Variants in KCNH1 observed in about 807,000 individuals in gnomAD.
The protein encoded by KCNH1 is potassium voltage-gated channel subfamily H member 1.
A neutral mutation model predicts 69.2 loss-of-function variants in KCNH1; 27 were observed. That is an observed-to-expected ratio of 0.39 (90% CI 0.29 to 0.54). KCNH1 has a LOEUF of 0.54. Among genes scored for constraint, KCNH1 ranks in the 20% least tolerant of loss-of-function variants. The pLI is 0.68. For missense variants in KCNH1, 798 were observed against 1,261.6 expected, an observed-to-expected ratio of 0.63 and a Z score of 5.57; for synonymous variants, 456 against 487.7, an observed-to-expected ratio of 0.93 and a Z score of 0.86.
At chr1:210,938,054 C>CA (rs1210733377) in intron 6 of KCNH1, among the ~76,000 whole-genome samples, 2 of 152,238 alleles carry the variant, frequency 1.3e-5, no homozygotes, top group African/African-American at 4.8e-5. Context: ...GACCCTTGGT[C>CA]ATGTCATTGG....
At chr1:210,962,344 T>C (rs1446985482) in intron 6 of KCNH1, among the ~76,000 whole-genome samples, 1 of 152,226 alleles carries the variant, frequency 6.6e-6, no homozygotes, top group Non-Finnish European at 1.5e-5. Flanking sequence ...ATTTTTTTCA[T>C]TGCTTCAGGA....
At chr1:210,875,491 T>A (rs1374300598) in intron 7 of KCNH1, among the ~76,000 whole-genome samples, 1 of 152,160 alleles carries the variant, frequency 6.6e-6, no homozygotes, top group East Asian at 1.9e-4. Context: ...TGGTTATAAA[T>A]CTATGCACAA....
chr1:210,746,234 G>C (rs780756349), intron 10 of KCNH1, among the ~76,000 whole-genome samples: 30 of 152,168 alleles, frequency 2.0e-4, no homozygotes, highest in Non-Finnish European at 3.7e-4. Flanking sequence ...CAAGGCCCCA[G>C]ATGCACTTTA....
At chr1:211,045,064 A>ATATATATATATATATAT (rs1490472380) in intron 5 of KCNH1, among the ~76,000 whole-genome samples, 29 of 128,096 alleles carry the variant, frequency 2.3e-4, no homozygotes, top group East Asian at 6.4e-4. Context: ...ATATATGAAT[A>ATATATATATATATATAT]ATAGAATAGT....
At chr1:210,935,900 T>C (rs542141627) in intron 6 of KCNH1, among the ~76,000 whole-genome samples, 1 of 152,318 alleles carries the variant, frequency 6.6e-6, no homozygotes, top group South Asian at 2.1e-4. Context: ...AATTAATAGA[T>C]TCATCTGTGT....
chr1:210,860,663 T>G (rs538306735), intron 7 of KCNH1: 3 of 777,848 alleles, frequency 3.9e-6, no homozygotes, highest in African/African-American at 1.7e-5. Flanking sequence ...ATTACAGGTC[T>G]GATAAATGCT....
At chr1:210,809,132 A>G (rs905532437) in intron 7 of KCNH1, among the ~76,000 whole-genome samples, 26 of 150,362 alleles carry the variant, frequency 1.7e-4, no homozygotes, top group African/African-American at 5.3e-4. Context: ...AGTATTCTCC[A>G]GCCCTTAATT....
rs550352011 is a variant in KCNH1, at chr1:211,099,434, T to A, written c.310+4062A>T. On this transcript the variant is annotated intron_variant, in intron 3 of 10. Coordinates refer to ENST00000271751, the MANE Select transcript of KCNH1 (RefSeq NM_172362.3). ...TAAAATCTCAACAAGAACTTTTCCCTCATAGAACTCTATATTGCTTTAAAA... is the reference window on the plus strand; with the variant it reads ...TAAAATCTCAACAAGAACTTTTCCCACATAGAACTCTATATTGCTTTAAAA... Among the ~76,000 whole-genome samples the A allele has an allele frequency of 2.0e-5, 3 of 152,350 alleles. No individual in the cohort carries two copies. In the East Asian group the frequency reaches 5.8e-4, roughly 29 times the overall value.
chr1:210,955,852 G>C (rs1324948861), intron 6 of KCNH1, among the ~76,000 whole-genome samples: 2 of 152,090 alleles, frequency 1.3e-5, no homozygotes, highest in Non-Finnish European at 2.9e-5. Context: ...CTGTAAACAG[G>C]GACAATTTGA....
chr1:210,689,206 T>C (rs1681475429), intron 10 of KCNH1, among the ~76,000 whole-genome samples: 1 of 152,250 alleles, frequency 6.6e-6, no homozygotes, highest in Non-Finnish European at 1.5e-5. Context: ...CAGGGATTTC[T>C]GAGTAATTAT....
chr1:210,884,004 C>T (rs574147565), intron 7 of KCNH1, among the ~76,000 whole-genome samples: 1 of 152,316 alleles, frequency 6.6e-6, no homozygotes, highest in East Asian at 1.9e-4. Flanking sequence ...CTCAGTTCTA[C>T]AGACACTAAC....
chr1:210,956,536 G>GTTT (rs770358496), intron 6 of KCNH1, among the ~76,000 whole-genome samples: 23 of 122,262 alleles, frequency 1.9e-4, no homozygotes, highest in African/African-American at 6.6e-4. Context: ...TGGTCCTGGA[G>GTTT]TTTTTTTTTT....
At position 211,092,104 on chromosome 1, in the gene KCNH1, G is replaced by C. The variant is rs140924762; in HGVS notation, c.311-1414C>G. On this transcript the variant is annotated intron_variant, in intron 3 of 10. Transcript: ENST00000271751. ...TAAAGTAGCTATTTCCCCACGCTAA[G>C]TAATAGTTTCCTATGTAGCCAGCAC... Among the ~76,000 whole-genome samples the C allele has an allele frequency of 2.1e-3, 315 of 152,316 alleles. 3 individuals carry two copies. The highest frequency in any genetic ancestry group is 0.014 in the Middle Eastern group (4 of 294).
At chr1:211,008,098 G>C (rs1689318891) in intron 6 of KCNH1, among the ~76,000 whole-genome samples, 1 of 152,142 alleles carries the variant, frequency 6.6e-6, no homozygotes. Flanking sequence ...AGAGATATTT[G>C]TACTCCAGTG....
At chr1:210,918,844 A>G (rs912950196) in intron 7 of KCNH1, 1 of 152,256 alleles carries the variant, frequency 6.6e-6, no homozygotes, top group African/African-American at 2.4e-5. Context: ...AGGAAAATGA[A>G]ACAGATTAAA....
chr1:210,860,238 A>T, intron 7 of KCNH1: 2 of 1,465,556 alleles, frequency 1.4e-6, no homozygotes, highest in South Asian at 2.3e-5. Context: ...CATCTTGCTG[A>T]AAGACTTCAA....
At chr1:210,785,248 T>C in intron 9 of KCNH1, among the ~76,000 whole-genome samples, 1 of 152,066 alleles carries the variant, frequency 6.6e-6, no homozygotes, top group East Asian at 1.9e-4. Context: ...AATTAAGATA[T>C]ACATGAAATA....
chr1:211,117,553 T>C (rs779594423), intron 1 of KCNH1, among the ~76,000 whole-genome samples: 4 of 152,080 alleles, frequency 2.6e-5, no homozygotes, highest in African/African-American at 4.8e-5. Context: ...GGTCCTGAGA[T>C]TACATGGAGA....
At chr1:210,842,809 AGTT>A (rs1685438864) in intron 7 of KCNH1, among the ~76,000 whole-genome samples, 1 of 152,102 alleles carries the variant, frequency 6.6e-6, no homozygotes, top group Non-Finnish European at 1.5e-5. Flanking sequence ...CTATAGCTAA[AGTT>A]GTTTTTTTTC....
Sources: gnomAD v4.1 joint callset for allele counts (sites outside exome capture counted in the v4.1 genomes callset) on GRCh38, gnomAD v4.1.1 for gene constraint, MANE v1.5 for transcripts, NCBI Gene and HGNC (gene_info 2026-07-23, HGNC 2026-07-21) for gene names.